The following UNC79 variants were observed in gnomAD, a reference collection of about 807,000 sequenced individuals.
The protein encoded by UNC79 is protein unc-79 homolog.
In UNC79, 37 loss-of-function variants were observed where a neutral mutation model predicts 283.1. That is an observed-to-expected ratio of 0.13 (90% CI 0.10 to 0.17). UNC79 has a LOEUF of 0.17. Among genes scored for constraint, UNC79 ranks in the 10% least tolerant of loss-of-function variants. UNC79 has a pLI of 1.00. For synonymous variants in UNC79, 1,107 were observed against 1,200.2 expected, an observed-to-expected ratio of 0.92 and a Z score of 1.61; for missense variants, 2,272 against 3,211.1, an observed-to-expected ratio of 0.71 and a Z score of 7.07.
At chr14:93,608,485 A>C (rs756911794) in intron 26 of UNC79, among the ~76,000 whole-genome samples, 12 of 152,228 alleles carry the variant, frequency 7.9e-5, no homozygotes, top group African/African-American at 1.9e-4. Flanking sequence ...GATGGGGATC[A>C]TAGGAGGATA....
At position 93,621,715 on chromosome 14, in the gene UNC79, A is replaced by G. The variant is rs1416997173; in HGVS notation, c.4482A>G (p.Leu1494=). Reference sequence around the variant, plus strand: ...AAGAAAGCATTCCGAAAAAAAAGCTACGCTCTTTCAAACAAAAATCTCTTG... The same window carrying G: ...AAGAAAGCATTCCGAAAAAAAAGCTGCGCTCTTTCAAACAAAAATCTCTTG... The change falls in exon 30 of 49, where the codon CTA becomes CTG. Residue 1494 remains leucine (L), a synonymous_variant. Coordinates refer to ENST00000555664, the Ensembl canonical transcript of UNC79. This position sits in a 1 kb window ranked among gnomAD's most constrained non-coding sequence, Gnocchi z 4.8. 1.9e-6 allele frequency: 3 copies of G among 1,613,802 alleles called. No individual in the cohort carries two copies. The highest frequency in any genetic ancestry group is 2.2e-5 in the East Asian group (1 of 44,890).
Position 93,580,129 on chromosome 14 carries a change from CT to C in UNC79, c.2434-13del, listed in dbSNP as rs765131363. 6 of 1,594,482 alleles carry C rather than the reference CT, an allele frequency of 3.8e-6. No individual in the cohort carries two copies. The highest frequency in any genetic ancestry group is 1.7e-5 in the Admixed American group (1 of 57,502). On this transcript the variant is annotated intron_variant, in intron 18 of 48. Coordinates refer to ENST00000555664, the Ensembl canonical transcript of UNC79. ...TTTTTTGTGTGTGTGTGCGTGTGTC[CT>C]TTTTTTGATGTCTTTCAGATGGAGT...
chr14:93,464,949 T>C (rs768798266), intron 1 of UNC79, among the ~76,000 whole-genome samples: 1 of 152,238 alleles, frequency 6.6e-6, no homozygotes, highest in African/African-American at 2.4e-5. Context: ...CCTTTTTGGC[T>C]GCTCTCAAGT....
chr14:93,338,382 A>G (rs529686047), intron 1 of UNC79, among the ~76,000 whole-genome samples: 5 of 152,164 alleles, frequency 3.3e-5, no homozygotes, highest in Non-Finnish European at 7.4e-5. Context: ...CTCACCAGTA[A>G]GGCCTGCAGA....
chr14:93,430,275 G>C (rs538624748), upstream of UNC79: 1 of 152,910 alleles, frequency 6.5e-6, no homozygotes, highest in East Asian at 1.9e-4. The surrounding 1 kb of genome is among the most constrained non-coding windows in gnomAD (Gnocchi z 4.6). Flanking sequence ...CCCCCTGGCA[G>C]TGGGACCTCC....
At chr14:93,429,657 CAT>C (rs1446817869), upstream of UNC79, among the ~76,000 whole-genome samples, 2 of 152,136 alleles carry the variant, frequency 1.3e-5, no homozygotes, top group Non-Finnish European at 2.9e-5. Flanking sequence ...AGGTGGAAAA[CAT>C]TGATTTATCA....
intron 1 of UNC79, among the ~76,000 whole-genome samples, chr14:93,461,145 T>C (rs1465156593): frequency 6.6e-6 from 1 of 152,192 alleles, no homozygotes; most frequent in Admixed American, 6.5e-5. Flanking sequence ...TTAACTACAG[T>C]TGTTTCTGAG....
chr14:93,648,048 T>C (rs890484741), intron 35 of UNC79, among the ~76,000 whole-genome samples: 5 of 152,218 alleles, frequency 3.3e-5, no homozygotes, highest in African/African-American at 1.2e-4. Flanking sequence ...GTGGGAATTA[T>C]GGGAGCTACA....
At chr14:93,552,913 T>C (rs542056985) in intron 14 of UNC79, among the ~76,000 whole-genome samples, 1 of 152,324 alleles carries the variant, frequency 6.6e-6, no homozygotes, top group African/African-American at 2.4e-5. Flanking sequence ...TCAGGAACCC[T>C]GTACAAGGAC....
chr14:93,490,779 T>C (rs1439751913), intron 5 of UNC79, among the ~76,000 whole-genome samples: 1 of 152,080 alleles, frequency 6.6e-6, no homozygotes, highest in African/African-American at 2.4e-5. Context: ...CCAGAATTGC[T>C]TTTAAAGGTC....
At chr14:93,382,861 A>G (rs1304973490) in intron 1 of UNC79, among the ~76,000 whole-genome samples, 1 of 152,222 alleles carries the variant, frequency 6.6e-6, no homozygotes, top group South Asian at 2.1e-4. Flanking sequence ...ATGTACCAAA[A>G]TACTTTACAC....
chr14:93,559,426 G>A (rs748530022), intron 14 of UNC79, among the ~76,000 whole-genome samples: 12 of 152,232 alleles, frequency 7.9e-5, no homozygotes, highest in Non-Finnish European at 1.5e-4. Context: ...CACCAAACAG[G>A]CTTTGTGTGA....
intron 17 of UNC79, among the ~76,000 whole-genome samples, chr14:93,576,852 T>C (rs981945456): frequency 5.3e-5 from 8 of 152,164 alleles, no homozygotes; most frequent in African/African-American, 1.4e-4. Flanking sequence ...GTACCTCCCA[T>C]TGACTGAACC....
intron 1 of UNC79, among the ~76,000 whole-genome samples, chr14:93,404,493 A>AAAAAAAAAAAAATATATATAT: frequency 3.6e-4 from 22 of 61,492 alleles, no homozygotes; most frequent in Middle Eastern, 0.013. Flanking sequence ...TTCTAAAAAA[A>AAAAAAAAAAAAATATATATAT]ATATATATAT....
intron 7 of UNC79, among the ~76,000 whole-genome samples, 189 bp from the exon 8 acceptor site, chr14:93,523,789 A>G (rs533599893): frequency 2.6e-5 from 4 of 152,342 alleles, no homozygotes; most frequent in South Asian, 2.1e-4. Flanking sequence ...CTCTTATCCT[A>G]GGAAAATGGA....
chr14:93,592,568 A>G (rs528528973), intron 22 of UNC79, among the ~76,000 whole-genome samples: 4 of 152,296 alleles, frequency 2.6e-5, no homozygotes, highest in African/African-American at 9.6e-5. Flanking sequence ...AAAAAATTCA[A>G]TATATTTATT....
intron 1 of UNC79, among the ~76,000 whole-genome samples, chr14:93,441,171 A>T (rs1225611924): frequency 1.3e-5 from 2 of 152,152 alleles, no homozygotes. Context: ...AGCCTTAAAC[A>T]TTATAAAGGG....
At chr14:93,441,400 A>G (rs2056294125) in intron 1 of UNC79, among the ~76,000 whole-genome samples, 1 of 151,942 alleles carries the variant, frequency 6.6e-6, no homozygotes, top group Non-Finnish European at 1.5e-5. Context: ...CTTTTCTTTT[A>G]ATAGGTGAGT....
intron 30 of UNC79, among the ~76,000 whole-genome samples, chr14:93,629,002 C>T (rs1179871371): frequency 6.6e-6 from 1 of 152,116 alleles, no homozygotes; most frequent in African/African-American, 2.4e-5. Context: ...AGTTCGAGAC[C>T]AGTCTGGCCA....
Sources: allele counts gnomAD v4.1 joint callset (sites outside exome capture counted in the v4.1 genomes callset), GRCh38; gene constraint gnomAD v4.1.1; non-coding constraint Gnocchi (gnomAD v3.1); transcripts MANE v1.5; gene names NCBI Gene and HGNC (gene_info 2026-07-23, HGNC 2026-07-21).